Variants in C3orf18 observed in about 807,000 individuals in gnomAD.
C3orf18 encodes chromosome 3 open reading frame 18.
Under a neutral mutation model 14.1 loss-of-function variants are expected in C3orf18, and 12 were observed. The observed-to-expected ratio is 0.85, with a 90% CI of 0.55 to 1.38. The LOEUF is 1.38. Among genes scored for constraint, C3orf18 ranks in the 40% most tolerant of loss-of-function variants. The pLI, the probability that C3orf18 is intolerant of heterozygous loss-of-function variation, is 0.00. For synonymous variants in C3orf18, 82 were observed against 87.9 expected (o/e 0.93, Z 0.38); for missense variants, 196 against 213.9 (o/e 0.92, Z 0.52).
chr3:50,571,889 G>A (rs1701007538), upstream of C3orf18: 1 of 1,370,102 alleles, frequency 7.3e-7, no homozygotes, highest in Non-Finnish European at 1.0e-6. Flanking sequence ...GGGAGGAGGA[G>A]AATGTCCAAG....
chr3:50,560,872 A>T (rs1193933986), intron 5 of C3orf18, 45 bp downstream of exon 5: 3 of 1,569,752 alleles, frequency 1.9e-6, no homozygotes, highest in Non-Finnish European at 2.6e-6. Flanking sequence ...AGGGTGGAGG[A>T]CAGAGGATGC....
At chr3:50,571,653 C>G (rs1317933662), upstream of C3orf18, 1 of 1,509,218 alleles carries the variant, frequency 6.6e-7, no homozygotes, top group East Asian at 2.3e-5. Context: ...CATAAGACAC[C>G]TGGGTTGGGG....
rs777384605 is a variant in C3orf18, at chr3:50,565,657, G to A, written c.43C>T (p.Arg15Cys). ...TASARGWFSS[R>C]PPTSESDLEP... ...AGGTCAGACTCAGAGGTGGGTGGGC[G>A]GCTGCTGAACCAGCCCCTAGCAGAT... The change falls in exon 3 of 6, where the codon CGC becomes TGC. Residue 15 changes from arginine (R) to cysteine (C), a missense_variant. By Grantham distance (180) the Arg-to-Cys change is radical. Coordinates refer to ENST00000357203, the MANE Select transcript of C3orf18 (RefSeq NM_016210.5). This position sits in a 1 kb window ranked among gnomAD's most constrained non-coding sequence, Gnocchi z 4.4. 1.5e-5 allele frequency: 24 copies of A among 1,612,712 alleles called. No individual in the cohort carries two copies. The highest frequency in any genetic ancestry group is 1.6e-4 in the Middle Eastern group (1 of 6,082).
chr3:50,573,690 G>A (rs770295623), upstream of C3orf18, among the ~76,000 whole-genome samples: 4 of 152,338 alleles, frequency 2.6e-5, no homozygotes, highest in African/African-American at 7.2e-5. Context: ...AAGCCACATC[G>A]GGGGATGCCT....
upstream of C3orf18, chr3:50,571,366 G>A (rs764767032): frequency 2.8e-5 from 41 of 1,458,820 alleles, no homozygotes; most frequent in South Asian, 5.2e-4. Context: ...GACAGGAAGA[G>A]GGAGGAGGGA....
upstream of C3orf18, chr3:50,571,457 T>A: frequency 1.4e-6 from 1 of 736,110 alleles, no homozygotes; most frequent in Non-Finnish European, 2.3e-6. Flanking sequence ...TGAAGGAACG[T>A]CTTAGCGCCT....
Position 50,559,601 on chromosome 3 carries a change from G to C in C3orf18, c.*56C>G. On this transcript the variant is annotated 3_prime_UTR_variant, in exon 6 of 6. Transcript: ENST00000357203. ...GGTCTTGACAATCAGGGAGTGGGGA[G>C]CTCTGTAGGCACCGTGATGGGTCTC... The C allele has an allele frequency of 6.7e-7, 1 of 1,489,000 alleles. No homozygotes were observed. Among genetic ancestry groups the C allele is most frequent in the Non-Finnish European group, 9.0e-7 (1 of 1,111,914 alleles). The allele number at this position is 1,489,000 out of a possible 1,614,324, so 92.2% of individuals were successfully genotyped here. A position where few individuals can be genotyped will look rare whatever the true frequency, so the allele number is the denominator to read the frequency against.
Position 50,565,134 on chromosome 3 carries a change from A to G in C3orf18, c.234+332T>C, listed in dbSNP as rs1036359363. On this transcript the variant is annotated intron_variant, in intron 3 of 5. Coordinates refer to ENST00000357203, the MANE Select transcript of C3orf18 (RefSeq NM_016210.5). This position sits in a 1 kb window ranked among gnomAD's most constrained non-coding sequence, Gnocchi z 4.4. ...GTAATCCCAGCACTTTGGGAGGCCA[A>G]CGGGGGCAGATCACTTGAGGCCAGG... Among the ~76,000 whole-genome samples, 1 of 152,196 alleles carries G rather than the reference A, an allele frequency of 6.6e-6. No homozygotes were observed. The highest frequency in any genetic ancestry group is 1.5e-5 in the Non-Finnish European group (1 of 68,042).
At position 50,565,360 on chromosome 3, in the gene C3orf18, CTG is replaced by C; in HGVS notation, c.234+104_234+105del. 12 of 885,726 alleles carry C rather than the reference CTG, an allele frequency of 1.4e-5. No individual in the cohort carries two copies. In the South Asian group the frequency reaches 1.9e-4, roughly 14 times the overall value. The allele number at this position is 885,726 out of a possible 1,614,324, so 54.9% of individuals were successfully genotyped here. A position where few individuals can be genotyped will look rare whatever the true frequency, so the allele number is the denominator to read the frequency against. ...CCAGCCTGCATGACAGAGCAAGACTCTGTCTCAAAAACAACAATAACAACAAC... is the reference window on the plus strand; with the variant it reads ...CCAGCCTGCATGACAGAGCAAGACTCTCTCAAAAACAACAATAACAACAAC... On this transcript the variant is annotated intron_variant, in intron 3 of 5. Coordinates refer to ENST00000357203, the MANE Select transcript of C3orf18 (RefSeq NM_016210.5). The surrounding 1 kb of genome is among the most constrained non-coding windows in gnomAD (Gnocchi z 4.4).
Position 50,561,062 on chromosome 3 carries a change from A to G in C3orf18, c.263T>C (p.Leu88Pro). ...CATGAGCTGGTGGCGTAGCTTCTCCAGCCTGGGGATGGGGGCAAAGGCTGC... is the reference window on the plus strand; with the variant it reads ...CATGAGCTGGTGGCGTAGCTTCTCCGGCCTGGGGATGGGGGCAAAGGCTGC... ...LVLYIRKKKRLEKLRHQLMPM... is the reference protein window; with the variant it reads ...LVLYIRKKKRPEKLRHQLMPM... The change falls in exon 5 of 6, where the codon CTG becomes CCG. Residue 88 changes from leucine (L) to proline (P), a missense_variant and splice_region_variant. By Grantham distance (98) the Leu-to-Pro change is moderately conservative. Coordinates refer to ENST00000357203, the MANE Select transcript of C3orf18 (RefSeq NM_016210.5). 6.2e-7 allele frequency: 1 copy of G among 1,613,802 alleles called. No homozygotes were observed. Among genetic ancestry groups the G allele is most frequent in the Non-Finnish European group, 8.5e-7 (1 of 1,179,820 alleles).
chr3:50,572,624 C>A (rs770418516), upstream of C3orf18, among the ~76,000 whole-genome samples: 2 of 152,232 alleles, frequency 1.3e-5, no homozygotes, highest in Non-Finnish European at 2.9e-5. Flanking sequence ...ATCAGCTGTG[C>A]AACCTTGGGC....
chr3:50,565,816 C>G lies in C3orf18; in HGVS notation c.-117G>C. The G allele has an allele frequency of 2.9e-6, 2 of 678,088 alleles. No individual in the cohort carries two copies. The highest frequency in any genetic ancestry group is 5.0e-6 in the Non-Finnish European group (2 of 400,242). The allele number at this position is 678,088 out of a possible 1,614,324, so 42.0% of individuals were successfully genotyped here. On this transcript the variant is annotated 5_prime_UTR_variant, in exon 3 of 6. Coordinates refer to ENST00000357203, the MANE Select transcript of C3orf18 (RefSeq NM_016210.5). This position sits in a 1 kb window ranked among gnomAD's most constrained non-coding sequence, Gnocchi z 4.4. ...TCCTGCCACCTGTGGTGGCCACCTG[C>G]ACAGCCACCTCCTTGGATAAAGGGA...
rs779423894 is a variant in C3orf18 at position 50,560,906 on chromosome 3, T to C, written c.408+11A>G. The C allele has an allele frequency of 5.0e-6, 8 of 1,595,574 alleles. No homozygotes were observed. The highest frequency in any genetic ancestry group is 6.8e-6 in the Non-Finnish European group (8 of 1,168,450). ...GCTGCAGGCGGGGTGGGGAGCCTGGTCAGTGCCCACCTTGCCCTGCATGGC... is the reference window on the plus strand; with the variant it reads ...GCTGCAGGCGGGGTGGGGAGCCTGGCCAGTGCCCACCTTGCCCTGCATGGC... On this transcript the variant is annotated intron_variant, in intron 5 of 5. Transcript: ENST00000357203.
Position 50,567,682 on chromosome 3 carries a change from G to C in C3orf18, c.-471C>G, listed in dbSNP as rs544763882. The stretch of plus-strand genomic sequence containing the variant: ...CTGCCGGCCTGAGCTAGGGTGGGTA[G>C]GGCCGGGACCCACGGCGGAGGTGGG... On this transcript the variant is annotated 5_prime_UTR_variant, in exon 1 of 6. Coordinates refer to ENST00000357203, the MANE Select transcript of C3orf18 (RefSeq NM_016210.5). 1.3e-5 allele frequency: 2 copies of C among 152,276 alleles called. No homozygotes were observed. Among genetic ancestry groups the C allele is most frequent in the Non-Finnish European group, 2.9e-5 (2 of 68,068 alleles). The allele number at this position is 152,276 out of a possible 1,614,324, so 9.4% of individuals were successfully genotyped here. A position where few individuals can be genotyped will look rare whatever the true frequency, so the allele number is the denominator to read the frequency against.
rs1700225975 is a variant in C3orf18, at chr3:50,565,348, C to T, written c.234+118G>A. 6.2e-6 allele frequency: 5 copies of T among 806,104 alleles called. 1 individual carries two copies. The Middle Eastern group carries it at 1.1e-3, about 184-fold the overall frequency. 49.9% of individuals were successfully genotyped at this position (806,104 alleles called of 1,614,324 possible). On this transcript the variant is annotated intron_variant, in intron 3 of 5. Transcript: ENST00000357203. The surrounding 1 kb of genome is among the most constrained non-coding windows in gnomAD (Gnocchi z 4.4). ...AGCCATTGCACTCCAGCCTGCATGA[C>T]AGAGCAAGACTCTGTCTCAAAAACA...
At chr3:50,560,002 G>A (rs1486182820) in intron 5 of C3orf18, among the ~76,000 whole-genome samples, 2 of 152,214 alleles carry the variant, frequency 1.3e-5, no homozygotes, top group African/African-American at 4.8e-5. Context: ...GGGATCAGAG[G>A]GCTGGACTCT....
chr3:50,573,911 C>T (rs773887421), upstream of C3orf18, among the ~76,000 whole-genome samples: 1 of 152,210 alleles, frequency 6.6e-6, no homozygotes, highest in Non-Finnish European at 1.5e-5. Flanking sequence ...GTGAACCATT[C>T]TCACCCAGCC....
At chr3:50,568,204 A>T (rs903450548), upstream of C3orf18, among the ~76,000 whole-genome samples, 1 of 152,104 alleles carries the variant, frequency 6.6e-6, no homozygotes, top group African/African-American at 2.4e-5. Flanking sequence ...CGTCTACAGA[A>T]GTTGAGAGTG....
Position 50,561,747 on chromosome 3 carries a change from C to A in C3orf18, c.235G>T (p.Val79Phe). 1.2e-6 allele frequency: 2 copies of A among 1,613,826 alleles called. No individual in the cohort carries two copies. The highest frequency in any genetic ancestry group is 1.7e-6 in the Non-Finnish European group (2 of 1,180,020). Residue 79 changes from valine to phenylalanine, a missense_variant and splice_region_variant, in exon 4 of 6, where the codon GTT becomes TTT. Val to Phe is a conservative substitution (Grantham distance 50, BLOSUM62 -1). Coordinates refer to ENST00000357203, the MANE Select transcript of C3orf18 (RefSeq NM_016210.5). ...CTCTTCTTCTTCCTGATGTACAAAA[C>A]CTGCAAGAGAAGGAGCAGCATCAAA... is the stretch of plus-strand genomic sequence containing the variant. ...ITVIGLAVAL[V>F]LYIRKKKRLE...
Sources: gnomAD v4.1 joint callset for allele counts (sites outside exome capture counted in the v4.1 genomes callset) on GRCh38, gnomAD v4.1.1 for gene constraint, Gnocchi (gnomAD v3.1) non-coding constraint, MANE v1.5 for transcripts, NCBI Gene and HGNC (gene_info 2026-07-23, HGNC 2026-07-21) for gene names.